Variants in KCNJ6 observed in about 807,000 individuals in gnomAD.
KCNJ6 encodes the protein G protein-activated inward rectifier potassium channel 2.
A neutral mutation model predicts 34.2 loss-of-function variants in KCNJ6; 9 were observed. The observed-to-expected ratio is 0.26, with a 90% confidence interval of 0.16 to 0.46. KCNJ6 has a LOEUF of 0.46. KCNJ6 is among the 20% of genes least tolerant of loss of function. The pLI is 1.00. For missense variants in KCNJ6, 236 were observed against 531.3 expected (o/e 0.44, Z 5.46); for synonymous variants, 196 against 207.1 (o/e 0.95, Z 0.46).
chr21:37,871,670 G>A (rs1458152424), intron 1 of KCNJ6, among the ~76,000 whole-genome samples: 1 of 152,206 alleles, frequency 6.6e-6, no homozygotes, highest in African/African-American at 2.4e-5. Context: ...GTGTGCTCTT[G>A]CAGACAGATG....
intron 1 of KCNJ6, among the ~76,000 whole-genome samples, chr21:37,902,507 A>G (rs1026130287): frequency 1.6e-4 from 25 of 152,238 alleles, no homozygotes; most frequent in Non-Finnish European, 1.5e-5. Flanking sequence ...TTTTCCAAAG[A>G]TAACTATTTT....
At chr21:37,697,714 CAA>C (rs2054669980) in intron 3 of KCNJ6, among the ~76,000 whole-genome samples, 1 of 152,330 alleles carries the variant, frequency 6.6e-6, no homozygotes, top group East Asian at 1.9e-4. Flanking sequence ...GATGCATTTT[CAA>C]AGAGTTTGTT....
At chr21:37,736,752 C>G (rs931343035) in intron 2 of KCNJ6, among the ~76,000 whole-genome samples, 1 of 152,160 alleles carries the variant, frequency 6.6e-6, no homozygotes, top group South Asian at 2.1e-4. Flanking sequence ...TACTGTTCAC[C>G]TCTGCAGCCT....
chr21:37,909,027 C>T (rs919842576), intron 1 of KCNJ6, among the ~76,000 whole-genome samples: 13 of 152,110 alleles, frequency 8.5e-5, no homozygotes, highest in African/African-American at 2.9e-4. Flanking sequence ...CTTCTAGGCC[C>T]GGATCATTAA....
chr21:37,900,990 A>G lies in KCNJ6; in HGVS notation c.-28+14894T>C, dbSNP rs182769474. 2.6e-5 allele frequency among the ~76,000 whole-genome samples: 4 copies of G among 152,122 alleles called. No homozygotes were observed. In the East Asian group the frequency reaches 7.7e-4, roughly 29 times the overall value. ...CCCTCCTATTTACAGTCTGTGCTAT[A>G]TTCTCCCCCACTTCTGCCTCCCCCT... is the stretch of plus-strand genomic sequence containing the variant. On this transcript the variant is annotated intron_variant, in intron 1 of 3. Coordinates refer to ENST00000609713, the MANE Select transcript of KCNJ6 (RefSeq NM_002240.5).
chr21:37,782,430 C>T (rs1218729502), intron 2 of KCNJ6, among the ~76,000 whole-genome samples: 1 of 152,154 alleles, frequency 6.6e-6, no homozygotes, highest in Admixed American at 6.5e-5. Context: ...CCTGTAAATG[C>T]TTACCACCTG....
At chr21:37,875,576 C>T (rs951067416) in intron 1 of KCNJ6, among the ~76,000 whole-genome samples, 1 of 152,232 alleles carries the variant, frequency 6.6e-6, no homozygotes, top group South Asian at 2.1e-4. Flanking sequence ...GAAGCTGCTG[C>T]AGGATGTGCA....
chr21:37,727,597 G>A (rs541279383), intron 2 of KCNJ6, among the ~76,000 whole-genome samples: 2 of 152,228 alleles, frequency 1.3e-5, no homozygotes, highest in South Asian at 4.2e-4. Flanking sequence ...ATAAGGAAGA[G>A]GGAGAGCCGG....
intron 2 of KCNJ6, among the ~76,000 whole-genome samples, chr21:37,741,141 G>A (rs1049953529): frequency 2.0e-5 from 3 of 152,176 alleles, no homozygotes; most frequent in Admixed American, 2.0e-4. Flanking sequence ...ATATTGACTT[G>A]CTTGCAAGAT....
At chr21:37,670,914 A>T (rs2054538442) in intron 3 of KCNJ6, among the ~76,000 whole-genome samples, 1 of 151,852 alleles carries the variant, frequency 6.6e-6, no homozygotes. Flanking sequence ...CTTGGTTTGA[A>T]CTTAGGTATT....
chr21:37,744,029 T>C (rs1244150542), intron 2 of KCNJ6, among the ~76,000 whole-genome samples: 1 of 151,900 alleles, frequency 6.6e-6, no homozygotes, highest in Non-Finnish European at 1.5e-5. Context: ...GGAGCCACAC[T>C]ACTCTATCAA....
intron 1 of KCNJ6, among the ~76,000 whole-genome samples, chr21:37,900,123 A>G (rs1490101551): frequency 2.6e-5 from 4 of 152,226 alleles, no homozygotes; most frequent in Non-Finnish European, 5.9e-5. Context: ...ATTTAGTGAA[A>G]TGTAACAAAA....
At chr21:37,754,222 A>C (rs2123486151) in intron 2 of KCNJ6, among the ~76,000 whole-genome samples, 1 of 152,332 alleles carries the variant, frequency 6.6e-6, no homozygotes, top group South Asian at 2.1e-4. Flanking sequence ...TGGTATCTTT[A>C]GAACAATGAG....
intron 2 of KCNJ6, among the ~76,000 whole-genome samples, chr21:37,721,380 G>T (rs2054825417): frequency 6.6e-6 from 1 of 152,170 alleles, no homozygotes; most frequent in Non-Finnish European, 1.5e-5. Context: ...CCCTCAAAAA[G>T]TTAAACATAG....
At chr21:37,721,835 G>T (rs571018520) in intron 2 of KCNJ6, among the ~76,000 whole-genome samples, 1 of 152,318 alleles carries the variant, frequency 6.6e-6, no homozygotes, top group African/African-American at 2.4e-5. Flanking sequence ...TGTCTTGGGT[G>T]TAGAGCAGGA....
At chr21:37,655,605 A>G (rs2123392864) in intron 3 of KCNJ6, among the ~76,000 whole-genome samples, 1 of 152,312 alleles carries the variant, frequency 6.6e-6, no homozygotes, top group East Asian at 1.9e-4. Flanking sequence ...AATTCTTTGC[A>G]AAGTGAAAAG....
chr21:37,669,577 TTGTGTGTGTGTGTGTG>T (rs35169360), intron 3 of KCNJ6, among the ~76,000 whole-genome samples: 3 of 149,078 alleles, frequency 2.0e-5, no homozygotes, highest in Non-Finnish European at 4.5e-5. Context: ...TCTGTGTGTG[TTGTGTGTGTGTGTGTG>T]TGTGTGTGTG....
chr21:37,689,436 C>T (rs1408181479), intron 3 of KCNJ6, among the ~76,000 whole-genome samples: 2 of 151,968 alleles, frequency 1.3e-5, no homozygotes, highest in African/African-American at 4.8e-5. Flanking sequence ...TTCCTCTGAC[C>T]TTTTAAGGGG....
At chr21:37,791,839 T>C (rs1378380772) in intron 2 of KCNJ6, among the ~76,000 whole-genome samples, 2 of 152,220 alleles carry the variant, frequency 1.3e-5, no homozygotes, top group Admixed American at 6.5e-5. Context: ...GCACATGTGA[T>C]AATTTAATGC....
Sources: allele counts gnomAD v4.1 joint callset (sites outside exome capture counted in the v4.1 genomes callset), GRCh38; gene constraint gnomAD v4.1.1; transcripts MANE v1.5; gene names NCBI Gene and HGNC (gene_info 2026-07-23, HGNC 2026-07-21).